Variants in WHRN observed in about 807,000 individuals in gnomAD.
WHRN encodes whirlin.
WHRN carries 41 observed loss-of-function variants against 68.3 expected under a neutral mutation model. The observed-to-expected ratio is 0.60, with a 90% CI of 0.47 to 0.78. The LOEUF (loss-of-function observed/expected upper bound fraction) is 0.78. WHRN is among the 30% of genes least tolerant of loss of function. The pLI, the probability that WHRN is intolerant of heterozygous loss-of-function variation, is 0.00. For synonymous variants in WHRN, 560 were observed against 561.3 expected (o/e 1.00, Z 0.03); for missense variants, 1,243 against 1,244.7 (o/e 1.00, Z 0.02).
intron 3 of WHRN, among the ~76,000 whole-genome samples, chr9:114,441,356 C>T (rs1025259228): frequency 6.6e-6 from 1 of 152,182 alleles, no homozygotes; most frequent in Non-Finnish European, 1.5e-5. Context: ...ACTGTATGTA[C>T]AAATGCAGGC....
Position 114,504,444 on chromosome 9 carries a change from T to C in WHRN, c.358A>G (p.Thr120Ala), listed in dbSNP as rs771286363. 6.2e-7 allele frequency: 1 copy of C among 1,606,596 alleles called. No homozygotes were observed. Among genetic ancestry groups the C allele is most frequent in the South Asian group, 1.1e-5 (1 of 91,046 alleles). ...CCCCAGGCGGGCTGCCTGTAGGGGGTGGTGGCGGGCAGGTAGAGGCCCTCG... is the reference window on the plus strand; with the variant it reads ...CCCCAGGCGGGCTGCCTGTAGGGGGCGGTGGCGGGCAGGTAGAGGCCCTCG... ...TAEGLYLPATTPYRQPAWGGP... is the reference protein window; with the variant it reads ...TAEGLYLPATAPYRQPAWGGP... The change falls in exon 1 of 12, where the codon ACC (threonine) becomes GCC (alanine). Residue 120 changes from threonine (T) to alanine (A), a missense_variant. Physicochemically the swap from Thr to Ala is moderately conservative, Grantham distance 58. Coordinates refer to ENST00000362057, the MANE Select transcript of WHRN (RefSeq NM_015404.4).
Position 114,504,544 on chromosome 9 carries a change from G to T in WHRN, c.258C>A (p.Val86=). ...RTLRVLLDSP[V]KRRLLPMLRL... is the part of the protein sequence containing the mutation. ...GAAGCATGGGCAGCAGGCGCCGCTT[G>T]ACCGGACTGTCCAGCAGCACGCGCA... The change falls in exon 1 of 12, where the codon GTC becomes GTA. Residue 86 remains valine (V), a synonymous_variant. Transcript: ENST00000362057. The T allele has an allele frequency of 6.2e-7, 1 of 1,610,944 alleles. No homozygotes were observed.
intron 3 of WHRN, among the ~76,000 whole-genome samples, chr9:114,465,893 TA>T (rs1840643605): frequency 6.6e-6 from 1 of 152,200 alleles, no homozygotes; most frequent in Non-Finnish European, 1.5e-5. Context: ...AATATTTCAA[TA>T]ACTGCTGGTT....
Position 114,504,377 on chromosome 9 carries a change from C to G in WHRN, c.425G>C (p.Ser142Thr), listed in dbSNP as rs1230586025. 6.2e-7 allele frequency: 1 copy of G among 1,606,650 alleles called. No homozygotes were observed. The highest frequency in any genetic ancestry group is 8.5e-7 in the Non-Finnish European group (1 of 1,179,924). ...SAGPGEVRLV[S>T]LRRAKAHEGL... ...CTCGTGGGCCTTGGCACGCCGCAAA[C>G]TCACCAGGCGCACCTCCCCTGGCCC... is the stretch of plus-strand genomic sequence containing the variant. The change falls in exon 1 of 12, where the codon AGT (serine) becomes ACT (threonine). Residue 142 changes from serine (S) to threonine (T), a missense_variant. Coordinates refer to ENST00000362057, the MANE Select transcript of WHRN (RefSeq NM_015404.4).
chr9:114,448,783 G>A (rs905792116), intron 3 of WHRN, among the ~76,000 whole-genome samples: 1 of 152,196 alleles, frequency 6.6e-6, no homozygotes, highest in Admixed American at 6.5e-5. Flanking sequence ...GCTTCCAGAT[G>A]ATTCCAGCAC....
chr9:114,456,401 G>T (rs1456292900), intron 3 of WHRN, among the ~76,000 whole-genome samples: 28 of 66,042 alleles, frequency 4.2e-4, no homozygotes. Context: ...CACTGCAAGG[G>T]GATAGAAGAA....
intron 1 of WHRN, among the ~76,000 whole-genome samples, chr9:114,489,680 G>A (rs937416977): frequency 4.6e-5 from 7 of 152,260 alleles, no homozygotes; most frequent in South Asian, 4.1e-4. Context: ...AGTTTAAAGC[G>A]GGGGTTAAAC....
At chr9:114,504,077 A>G in intron 1 of WHRN, 107 bp downstream of exon 1, 2 of 1,525,456 alleles carry the variant, frequency 1.3e-6, no homozygotes, top group East Asian at 2.3e-5. Flanking sequence ...AAAAAAGCCC[A>G]GAAAGGCCAA....
At chr9:114,417,151 G>C (rs1472883529) in intron 7 of WHRN, among the ~76,000 whole-genome samples, 1 of 152,216 alleles carries the variant, frequency 6.6e-6, no homozygotes, top group Non-Finnish European at 1.5e-5. Flanking sequence ...AATCAACACA[G>C]TTTGTGAATG....
At chr9:114,493,574 T>C (rs1283615483) in intron 1 of WHRN, among the ~76,000 whole-genome samples, 1 of 152,064 alleles carries the variant, frequency 6.6e-6, no homozygotes, top group African/African-American at 2.4e-5. Flanking sequence ...GATCAGGCAG[T>C]GTAGACAAAT....
rs964055364 is a variant in WHRN, at chr9:114,478,835, C to A, written c.619-64G>T. The stretch of plus-strand genomic sequence containing the variant: ...TGCCGGGGGTGTGGAGGAACACCCT[C>A]CCCTGGCCCAGACCTTGGTTTTTCT... On this transcript the variant is annotated intron_variant, in intron 1 of 11. Coordinates refer to ENST00000362057, the MANE Select transcript of WHRN (RefSeq NM_015404.4). 8 of 1,508,170 alleles carry A rather than the reference C, an allele frequency of 5.3e-6. No homozygotes were observed. The African/African-American group carries it at 1.1e-4, about 21-fold the overall frequency. 93.4% of individuals were successfully genotyped at this position (1,508,170 alleles called of 1,614,324 possible). A position where few individuals can be genotyped will look rare whatever the true frequency, so the allele number is the denominator to read the frequency against.
intron 2 of WHRN, 184 bp downstream of exon 2, chr9:114,478,369 A>C (rs780529526): frequency 4.1e-6 from 3 of 733,036 alleles, no homozygotes; most frequent in Non-Finnish European, 7.5e-6. Flanking sequence ...GTATTATAAC[A>C]TACACTACAC....
At chr9:114,448,024 C>T (rs1357131859) in intron 3 of WHRN, among the ~76,000 whole-genome samples, 1 of 152,166 alleles carries the variant, frequency 6.6e-6, no homozygotes, top group Non-Finnish European at 1.5e-5. Flanking sequence ...CCCTAGGGCC[C>T]TGTCATGCCA....
Position 114,504,278 on chromosome 9 carries a change from G to C in WHRN, c.524C>G (p.Ser175Cys), listed in dbSNP as rs2133473387. ...CCGCAGTCCTTCCTTCTCAGCTAGA[G>C]AGCCTGGTTCCACCAGAGACACGTA... ...GIYVSLVEPG[S>C]LAEKEGLRVG... is the part of the protein sequence containing the mutation. Residue 175 changes from serine to cysteine, a missense_variant, in exon 1 of 12, where the codon TCT becomes TGT. By Grantham distance (112) the Ser-to-Cys change is moderately radical (BLOSUM62 -1). Coordinates refer to ENST00000362057, the MANE Select transcript of WHRN (RefSeq NM_015404.4). 1 of 1,614,038 alleles carries C rather than the reference G, an allele frequency of 6.2e-7. No homozygotes were observed. The highest frequency in any genetic ancestry group is 8.5e-7 in the Non-Finnish European group (1 of 1,180,034).
chr9:114,438,740 C>T lies in WHRN; in HGVS notation c.964-12327G>A, dbSNP rs191118681. On this transcript the variant is annotated intron_variant, in intron 3 of 11. Transcript: ENST00000362057. ...TGCTGGGATTACAGGCATGAGCCAC[C>T]GCGCCTGGCTAACGGAATCCCACTT... Among the ~76,000 whole-genome samples, 306 of 152,114 alleles carry T rather than the reference C, an allele frequency of 2.0e-3. 5 individuals carry two copies. The highest frequency in any genetic ancestry group is 3.1e-4 in the Non-Finnish European group (21 of 67,992).
intron 3 of WHRN, among the ~76,000 whole-genome samples, chr9:114,436,345 T>C (rs918493445): frequency 6.6e-6 from 1 of 152,198 alleles, no homozygotes; most frequent in Non-Finnish European, 1.5e-5. Flanking sequence ...AACCCTTATA[T>C]AAAGTATGGA....
At chr9:114,453,953 G>C (rs750594996) in intron 3 of WHRN, among the ~76,000 whole-genome samples, 8 of 152,150 alleles carry the variant, frequency 5.3e-5, no homozygotes, top group Non-Finnish European at 1.2e-4. Context: ...ATCTCTATAA[G>C]GGATAATTTA....
intron 1 of WHRN, among the ~76,000 whole-genome samples, chr9:114,493,253 A>C (rs1489904194): frequency 1.3e-5 from 2 of 151,416 alleles, no homozygotes; most frequent in Non-Finnish European, 2.9e-5. Context: ...TGGGAGGCTG[A>C]GGCAAGCAGA....
intron 1 of WHRN, among the ~76,000 whole-genome samples, chr9:114,497,516 T>A (rs201878967): frequency 6.5e-4 from 94 of 145,156 alleles, no homozygotes; most frequent in African/African-American, 1.8e-3. Flanking sequence ...TTTTTGTTTT[T>A]AAAAAAAAAA....
Sources: gnomAD v4.1 joint callset for allele counts (sites outside exome capture counted in the v4.1 genomes callset) on GRCh38, gnomAD v4.1.1 for gene constraint, MANE v1.5 for transcripts, NCBI Gene and HGNC (gene_info 2026-07-23, HGNC 2026-07-21) for gene names.